DPYS: variants seen among roughly 807,000 people sequenced by gnomAD.
DPYS encodes the protein dihydropyrimidinase.
In DPYS, 39 loss-of-function variants were observed where a neutral mutation model predicts 50.3. That is an observed-to-expected ratio of 0.78 (90% CI 0.60 to 1.01). DPYS has a LOEUF of 1.01. DPYS is among the 50% of genes least tolerant of loss of function. DPYS has a pLI of 0.00. For synonymous variants in DPYS, 245 were observed against 250.7 expected (o/e 0.98, Z 0.22); for missense variants, 659 against 680.9 (o/e 0.97, Z 0.36).
At position 104,466,913 on chromosome 8, in the gene DPYS, G is replaced by A. The variant is rs1230635423; in HGVS notation, c.8C>T (p.Ala3Val). 2.0e-5 allele frequency: 30 copies of A among 1,491,718 alleles called. No individual in the cohort carries two copies. Among genetic ancestry groups the A allele is most frequent in the Non-Finnish European group, 2.6e-5 (29 of 1,127,170 alleles). 92.4% of individuals were successfully genotyped at this position (1,491,718 alleles called of 1,614,324 possible). The change falls in exon 1 of 10, where the codon GCG becomes GTG. Residue 3 changes from alanine to valine, a missense_variant. Physicochemically the swap from Ala to Val is moderately conservative, Grantham distance 64 (BLOSUM62 0). Transcript: ENST00000351513. MA[A>V]PSRLLIRGGR... The stretch of plus-strand genomic sequence containing the variant: ...CCCGCGGATCAGGAGCCGCGAGGGC[G>A]CCGCCATAGCGAGGGGCGCGCGGGG...
intron 7 of DPYS, among the ~76,000 whole-genome samples, chr8:104,404,039 T>C (rs1278114810): frequency 6.6e-6 from 1 of 152,230 alleles, no homozygotes; most frequent in African/African-American, 2.4e-5. Flanking sequence ...CATGTTCTTA[T>C]AATAGGCATA....
At position 104,403,959 on chromosome 8, in the gene DPYS, A is replaced by G. The variant is rs139023419; in HGVS notation, c.1236-10968T>C. 3.3e-3 allele frequency among the ~76,000 whole-genome samples: 503 copies of G among 152,334 alleles called. 17 individuals are homozygous for G. The highest frequency in any genetic ancestry group is 0.026 in the Admixed American group (403 of 15,306). ...AGAAGGTAACAAGGCAAACAGAAAC[A>G]TAAGTGCCTTTGATTCTGTTCCCAA... On this transcript the variant is annotated intron_variant, in intron 7 of 9. Transcript: ENST00000351513.
rs1424891654 is a variant in DPYS, at chr8:104,381,338, C to G, written c.1444-24G>C. On this transcript the variant is annotated intron_variant, in intron 8 of 9. Coordinates refer to ENST00000351513, the MANE Select transcript of DPYS (RefSeq NM_001385.3). ...GTCTGAAAGAGAACATTTCATTTCTCTCTTGTGGTTTATTTTCTTGAGTTC... is the reference window on the plus strand; with the variant it reads ...GTCTGAAAGAGAACATTTCATTTCTGTCTTGTGGTTTATTTTCTTGAGTTC... 2.5e-6 allele frequency: 4 copies of G among 1,606,010 alleles called. No homozygotes were observed. In the South Asian group the frequency reaches 4.4e-5, roughly 18 times the overall value.
intron 7 of DPYS, among the ~76,000 whole-genome samples, chr8:104,409,453 C>A (rs1588418600): frequency 6.6e-6 from 1 of 151,844 alleles, no homozygotes; most frequent in South Asian, 2.1e-4. Context: ...CCACTGTACT[C>A]CAGCCTGGGT....
chr8:104,425,202 AC>A (rs1250731183), intron 6 of DPYS, among the ~76,000 whole-genome samples: 2 of 151,510 alleles, frequency 1.3e-5, no homozygotes, highest in African/African-American at 4.8e-5. Flanking sequence ...AGGTGACAAC[AC>A]TTTTGAATCA....
intron 4 of DPYS, among the ~76,000 whole-genome samples, chr8:104,435,902 A>C (rs1440868131): frequency 9.2e-5 from 14 of 152,136 alleles, no homozygotes; most frequent in Non-Finnish European, 5.9e-5. Context: ...GGATGGCAAT[A>C]ATTCATAAAG....
Position 104,432,034 on chromosome 8 carries a change from C to G in DPYS, c.794-2333G>C, listed in dbSNP as rs147417989. On this transcript the variant is annotated intron_variant, in intron 4 of 9. Transcript: ENST00000351513. ...TAGCTGGTTGGCAATGAAGAGTGCT[C>G]TATCTGTCTTCAGCCTGGTACTATC... Among the ~76,000 whole-genome samples the G allele has an allele frequency of 7.9e-5, 12 of 152,296 alleles. No individual in the cohort carries two copies. In the East Asian group the frequency reaches 2.3e-3, roughly 29 times the overall value.
intron 4 of DPYS, among the ~76,000 whole-genome samples, chr8:104,430,309 T>C (rs1812909604): frequency 6.6e-6 from 1 of 151,586 alleles, no homozygotes; most frequent in Non-Finnish European, 1.5e-5. Flanking sequence ...AACACTCAGA[T>C]AATAAAGTCT....
intron 8 of DPYS, among the ~76,000 whole-genome samples, chr8:104,387,604 G>A (rs1269159442): frequency 6.6e-6 from 1 of 152,152 alleles, no homozygotes; most frequent in African/African-American, 2.4e-5. Context: ...ACCTGGGTTT[G>A]AGTCCCAACA....
At chr8:104,449,144 G>A (rs780688689) in intron 2 of DPYS, among the ~76,000 whole-genome samples, 1 of 152,096 alleles carries the variant, frequency 6.6e-6, no homozygotes, top group African/African-American at 2.4e-5. Flanking sequence ...CAACAGCAAG[G>A]GACAGAACAT....
intron 8 of DPYS, among the ~76,000 whole-genome samples, chr8:104,390,425 C>T (rs1232152741): frequency 2.0e-5 from 3 of 152,048 alleles, no homozygotes; most frequent in Non-Finnish European, 2.9e-5. Context: ...GGGTTTATGT[C>T]CTGGCTCTGC....
At chr8:104,435,977 T>G (rs1813128519) in intron 4 of DPYS, among the ~76,000 whole-genome samples, 1 of 152,062 alleles carries the variant, frequency 6.6e-6, no homozygotes, top group Admixed American at 6.6e-5. Context: ...GCTTTCCTCC[T>G]GGGGCAGAAA....
At chr8:104,436,673 A>T (rs906418810) in intron 4 of DPYS, among the ~76,000 whole-genome samples, 9 of 151,586 alleles carry the variant, frequency 5.9e-5, no homozygotes, top group African/African-American at 1.5e-4. Context: ...GAAGAGAATT[A>T]AAAAAAAATC....
In DPYS at chr8:104,449,307, T is replaced by A. The variant is rs541154865; in HGVS notation, c.424-1804A>T. Among the ~76,000 whole-genome samples, 10 of 152,328 alleles carry A rather than the reference T, an allele frequency of 6.6e-5. No homozygotes were observed. The East Asian group carries it at 1.7e-3, about 26-fold the overall frequency. On this transcript the variant is annotated intron_variant, in intron 2 of 9. Transcript: ENST00000351513. The stretch of plus-strand genomic sequence containing the variant: ...GGGATTATGATCTGCATTGCTTACA[T>A]GAAATATCTTTTGCTCCCTGAGTAG...
intron 7 of DPYS, chr8:104,420,012 C>T (rs555529059): frequency 6.6e-6 from 1 of 150,922 alleles, no homozygotes; most frequent in South Asian, 2.1e-4. Context: ...TTCTGTAAAT[C>T]TAAAATATTC....
chr8:104,418,093 A>C (rs1469561240), intron 7 of DPYS, among the ~76,000 whole-genome samples: 3 of 152,264 alleles, frequency 2.0e-5, no homozygotes. Context: ...TCTATGTACC[A>C]TGAAGCCAAA....
chr8:104,439,010 A>G (rs551063086), intron 4 of DPYS, among the ~76,000 whole-genome samples: 1 of 151,940 alleles, frequency 6.6e-6, no homozygotes, highest in Non-Finnish European at 1.5e-5. Context: ...TTGAGGCTAC[A>G]GTGACCTGTG....
At chr8:104,454,492 G>A (rs372286003) in intron 1 of DPYS, among the ~76,000 whole-genome samples, 86 of 152,276 alleles carry the variant, frequency 5.6e-4, no homozygotes, top group African/African-American at 2.0e-3. Flanking sequence ...TTAAATGGCC[G>A]AATTGTATTG....
At chr8:104,402,194 T>C (rs1811839541) in intron 7 of DPYS, among the ~76,000 whole-genome samples, 1 of 152,212 alleles carries the variant, frequency 6.6e-6, no homozygotes, top group African/African-American at 2.4e-5. Context: ...CTTCACCTCC[T>C]ATGCCTCACA....
Sources: allele counts gnomAD v4.1 joint callset (sites outside exome capture counted in the v4.1 genomes callset), GRCh38; gene constraint gnomAD v4.1.1; transcripts MANE v1.5; gene names NCBI Gene and HGNC (gene_info 2026-07-23, HGNC 2026-07-21).